Variants in BMP1 observed in about 807,000 individuals in gnomAD.
The protein encoded by BMP1 is bone morphogenetic protein 1.
In BMP1, 63 loss-of-function variants were observed where a neutral mutation model predicts 116.8. The ratio of observed to expected loss-of-function variants is 0.54; its 90% CI spans 0.44 to 0.67. BMP1 has a LOEUF of 0.67. Among genes scored for constraint, BMP1 ranks in the 30% least tolerant of loss-of-function variants. The probability of loss-of-function intolerance (pLI) is 0.00; values close to 1 mark genes in which losing one functional copy is unlikely to be tolerated. For synonymous variants in BMP1, 536 were observed against 533.4 expected (o/e 1.00, Z -0.07); for missense variants, 1,183 against 1,358.9 (o/e 0.87, Z 2.04).
chr8:22,196,847 G>T lies in BMP1; in HGVS notation c.1926+7G>T. ...TGAGACAGAGGGCAATGATGTAAGT[G>T]CCCACCAGGGGCTGAGGTGGGGCAG... On this transcript the variant is annotated splice_region_variant and intron_variant, in intron 14 of 19. Coordinates refer to ENST00000306385, the MANE Select transcript of BMP1 (RefSeq NM_006129.5). 6.2e-7 allele frequency: 1 copy of T among 1,609,720 alleles called. No homozygotes were observed. Among genetic ancestry groups the T allele is most frequent in the Non-Finnish European group, 8.5e-7 (1 of 1,177,354 alleles).
chr8:22,197,382 C>A lies in BMP1; in HGVS notation c.2069C>A (p.Thr690Asn). The A allele has an allele frequency of 6.2e-7, 1 of 1,612,646 alleles. No individual in the cohort carries two copies. Among genetic ancestry groups the A allele is most frequent in the Non-Finnish European group, 8.5e-7 (1 of 1,178,784 alleles). The part of the protein sequence containing the change: ...NMRVEFKSDN[T>N]VSKKGFKAHF... ...CGCGTGGAGTTCAAGTCCGACAACA[C>A]CGTGTCCAAAAAGGGCTTCAAGGCC... The change falls in exon 15 of 20, where the codon ACC becomes AAC. Residue 690 changes from threonine to asparagine, a missense_variant. Transcript: ENST00000306385.
intron 1 of BMP1, among the ~76,000 whole-genome samples, chr8:22,168,591 T>G (rs1828184828): frequency 6.6e-6 from 1 of 152,100 alleles, no homozygotes; most frequent in Non-Finnish European, 1.5e-5. Context: ...GGGCAGCACT[T>G]ACCAGCCCAC....
chr8:22,207,012 G>C, intron 17 of BMP1, 31 bp downstream of exon 17: 1 of 1,612,176 alleles, frequency 6.2e-7, no homozygotes, highest in South Asian at 1.1e-5. Context: ...TCCTTATGCG[G>C]TGTGGCTGCC....
At position 22,211,759 on chromosome 8, in the gene BMP1, C is replaced by G. The variant is rs781037750; in HGVS notation, c.*31C>G. The G allele has an allele frequency of 3.1e-5, 50 of 1,613,792 alleles. No individual in the cohort carries two copies. The highest frequency in any genetic ancestry group is 4.0e-5 in the African/African-American group (3 of 74,920). ...GCCTGAGCAGGGGCGGGGACTGGAG[C>G]CTGCTGCCCTTGGTCGCCTAGACTG... On this transcript the variant is annotated 3_prime_UTR_variant, in exon 20 of 20. Transcript: ENST00000306385.
intron 16 of BMP1, among the ~76,000 whole-genome samples, chr8:22,206,204 T>C (rs1309222671): frequency 2.0e-5 from 3 of 151,402 alleles, no homozygotes; most frequent in Admixed American, 6.6e-5. Context: ...CTGTCTCTAC[T>C]AAAAATACAA....
chr8:22,174,439 A>T (rs1229268128), intron 2 of BMP1, among the ~76,000 whole-genome samples: 1 of 152,176 alleles, frequency 6.6e-6, no homozygotes, highest in South Asian at 2.1e-4. Context: ...GTACTTGTGC[A>T]TGGATACAGG....
rs751139262 is a variant in BMP1 at position 22,192,109 on chromosome 8, G to A, written c.1138G>A (p.Val380Met). ...YRSRLCWYDY[V>M]EVRDGFWRKA... The stretch of plus-strand genomic sequence containing the variant: ...CAGCCGCCTGTGCTGGTACGACTAT[G>A]TGGAGGTCCGAGATGGCTTCTGGAG... The change falls in exon 9 of 20, where the codon GTG (valine) becomes ATG (methionine). Residue 380 changes from valine to methionine, a missense_variant. This residue lies in a region of BMP1 where 956 missense variants were observed against 1,135.2 expected (regional missense o/e 0.84). Transcript: ENST00000306385. 6.2e-7 allele frequency: 1 copy of A among 1,613,956 alleles called. No individual in the cohort carries two copies. The highest frequency in any genetic ancestry group is 2.2e-5 in the East Asian group (1 of 44,880).
intron 2 of BMP1, among the ~76,000 whole-genome samples, chr8:22,174,511 A>G (rs1251882320): frequency 6.6e-6 from 1 of 152,058 alleles, no homozygotes; most frequent in East Asian, 1.9e-4. Context: ...GCTCTGTAGA[A>G]GGGTGAAAGC....
chr8:22,175,970 T>A (rs1828418313), intron 2 of BMP1, among the ~76,000 whole-genome samples, 173 bp from the exon 3 acceptor site: 1 of 152,214 alleles, frequency 6.6e-6, no homozygotes. Context: ...GCTCTGCAAA[T>A]GTCCACAAAT....
intron 16 of BMP1, among the ~76,000 whole-genome samples, chr8:22,203,040 T>TA (rs1359773339): frequency 6.6e-6 from 1 of 151,722 alleles, no homozygotes; most frequent in Non-Finnish European, 1.5e-5. Flanking sequence ...TAAAGCAAAA[T>TA]AAAAACAGCT....
intron 16 of BMP1, among the ~76,000 whole-genome samples, chr8:22,205,836 G>A (rs1327822855): frequency 1.3e-5 from 2 of 152,200 alleles, no homozygotes; most frequent in East Asian, 1.9e-4. Context: ...GAGGTCCTGA[G>A]CACCCCGAAG....
intron 8 of BMP1, among the ~76,000 whole-genome samples, chr8:22,183,630 G>A (rs1038387334): frequency 6.8e-6 from 1 of 146,546 alleles, no homozygotes; most frequent in Non-Finnish European, 1.5e-5. Context: ...TTATTGAGAC[G>A]TGTTTCATTC....
rs575425571 is a variant in BMP1 at position 22,180,547 on chromosome 8, C to G, written c.1077+64C>G. 33 of 1,452,536 alleles carry G rather than the reference C, an allele frequency of 2.3e-5. No homozygotes were observed. In the South Asian group the frequency reaches 3.7e-4, roughly 16 times the overall value. The allele number at this position is 1,452,536 out of a possible 1,614,324, so 90.0% of individuals were successfully genotyped here. A position where few individuals can be genotyped will look rare whatever the true frequency, so the allele number is the denominator to read the frequency against. ...GCGGGTCCCCATACCTCAGGGACTTCTCCCACAGTGGGGGTCAATATGGGT... is the reference window on the plus strand; with the variant it reads ...GCGGGTCCCCATACCTCAGGGACTTGTCCCACAGTGGGGGTCAATATGGGT... On this transcript the variant is annotated intron_variant, in intron 8 of 19. Transcript: ENST00000306385.
At chr8:22,206,137 C>T (rs1414406321) in intron 16 of BMP1, among the ~76,000 whole-genome samples, 1 of 151,860 alleles carries the variant, frequency 6.6e-6, no homozygotes, top group Non-Finnish European at 1.5e-5. Flanking sequence ...AAGGCCTAGG[C>T]AGGTGGATCA....
rs1268567302 is a variant in BMP1 at position 22,194,029 on chromosome 8, C to A, written c.1181-29C>A. On this transcript the variant is annotated intron_variant, in intron 9 of 19. Coordinates refer to ENST00000306385, the MANE Select transcript of BMP1 (RefSeq NM_006129.5). The surrounding 1 kb of genome is among the most constrained non-coding windows in gnomAD (Gnocchi z 4.5). The stretch of plus-strand genomic sequence containing the variant: ...CTATAGGGGGTGTCCTCAGGGTTCA[C>A]CACTCTTCCATCCACACTGTCTGTG... The A allele has an allele frequency of 4.4e-6, 7 of 1,591,726 alleles. No individual in the cohort carries two copies. The highest frequency in any genetic ancestry group is 5.2e-6 in the Non-Finnish European group (6 of 1,159,860).
chr8:22,202,899 A>G (rs944179533), intron 16 of BMP1, among the ~76,000 whole-genome samples: 5 of 151,954 alleles, frequency 3.3e-5, no homozygotes, highest in Admixed American at 1.3e-4. Context: ...AGTCCCAGCT[A>G]CCCTGGAGGC....
intron 1 of BMP1, chr8:22,169,711 G>C (rs186432296): frequency 6.6e-6 from 1 of 152,302 alleles, no homozygotes; most frequent in East Asian, 1.9e-4. Context: ...TATAGCCTTG[G>C]GGCTCATTAC....
chr8:22,200,321 T>A (rs1339478977), intron 15 of BMP1, among the ~76,000 whole-genome samples: 1 of 152,226 alleles, frequency 6.6e-6, no homozygotes, highest in Non-Finnish European at 1.5e-5. Flanking sequence ...ATCTCTGCCT[T>A]TACGCGTGAC....
intron 1 of BMP1, among the ~76,000 whole-genome samples, chr8:22,172,337 T>G (rs545404085): frequency 6.6e-6 from 1 of 152,062 alleles, no homozygotes; most frequent in South Asian, 2.1e-4. Context: ...CTCTGCTTCC[T>G]TTTCTCCAGA....
Sources: allele counts gnomAD v4.1 joint callset (sites outside exome capture counted in the v4.1 genomes callset), GRCh38; gene constraint gnomAD v4.1.1; regional missense constraint gnomAD v4.1.1; non-coding constraint Gnocchi (gnomAD v3.1); transcripts MANE v1.5; gene names NCBI Gene and HGNC (gene_info 2026-07-23, HGNC 2026-07-21).